The following FBN1 variants were observed in gnomAD, a reference collection of about 807,000 sequenced individuals.
The protein encoded by FBN1 is fibrillin-1.
In FBN1, 29 loss-of-function variants were observed where a neutral mutation model predicts 365.1. The observed-to-expected ratio is 0.08, with a 90% confidence interval of 0.06 to 0.11. The LOEUF is 0.11. Ranked by LOEUF, FBN1 falls within the 10% of genes least tolerant of loss-of-function variation. FBN1 has a pLI of 1.00. For synonymous variants in FBN1, 1,210 were observed against 1,270.5 expected (o/e 0.95, Z 1.01); for missense variants, 2,476 against 3,703.2 (o/e 0.67, Z 8.60).
chr15:48,621,213 T>C (rs546678961), intron 2 of FBN1, among the ~76,000 whole-genome samples: 1 of 152,218 alleles, frequency 6.6e-6, no homozygotes, highest in Admixed American at 6.5e-5. Flanking sequence ...GAAGCATAAC[T>C]CCCCACTCCT....
At chr15:48,411,435 C>T in intron 65 of FBN1, 56 bp from the exon 66 acceptor site, 2 of 1,525,872 alleles carry the variant, frequency 1.3e-6, no homozygotes, top group Non-Finnish European at 1.8e-6. Context: ...ACTTAGCTCT[C>T]ATATTAAAGA....
At chr15:48,471,989 C>T (rs759449044) in intron 35 of FBN1, among the ~76,000 whole-genome samples, 3 of 152,208 alleles carry the variant, frequency 2.0e-5, no homozygotes, top group Non-Finnish European at 4.4e-5. Context: ...TCCCAAGGGT[C>T]CCCTATTGAA....
At chr15:48,507,165 T>C (rs1189393994) in intron 15 of FBN1, among the ~76,000 whole-genome samples, 3 of 152,170 alleles carry the variant, frequency 2.0e-5, no homozygotes, top group Non-Finnish European at 4.4e-5. Context: ...GAGTGAATCT[T>C]AGTGTGCTCT....
Position 48,433,045 on chromosome 15 carries a change from T to A in FBN1, c.6617-57A>T, listed in dbSNP as rs1044766879. 6.3e-6 allele frequency: 10 copies of A among 1,598,230 alleles called. No homozygotes were observed. In the Admixed American group the frequency reaches 6.7e-5, roughly 11 times the overall value. Reference sequence around the variant, plus strand: ...TCATGGACAGCAACAAAAGGGAACCTACCAATTGAACTAAAACTCTAAAAC... The same window carrying A: ...TCATGGACAGCAACAAAAGGGAACCAACCAATTGAACTAAAACTCTAAAAC... On this transcript the variant is annotated intron_variant, in intron 54 of 65. Coordinates refer to ENST00000316623, the MANE Select transcript of FBN1 (RefSeq NM_000138.5).
chr15:48,577,104 T>A (rs2044354063), intron 6 of FBN1, among the ~76,000 whole-genome samples: 2 of 152,186 alleles, frequency 1.3e-5, no homozygotes, highest in South Asian at 4.1e-4. Flanking sequence ...AATTGGACTA[T>A]AAATCTGTCA....
chr15:48,496,668 G>T (rs1484123346), intron 19 of FBN1, among the ~76,000 whole-genome samples: 1 of 152,114 alleles, frequency 6.6e-6, no homozygotes, highest in Non-Finnish European at 1.5e-5. Flanking sequence ...CAGAATGGGT[G>T]TTTCTTCCTT....
chr15:48,492,188 T>C (rs1597566988), intron 24 of FBN1, among the ~76,000 whole-genome samples: 1 of 152,238 alleles, frequency 6.6e-6, no homozygotes, highest in African/African-American at 2.4e-5. Flanking sequence ...GCTTGTATTT[T>C]ATAGTTCACG....
chr15:48,590,252 G>A (rs999475051), intron 6 of FBN1, among the ~76,000 whole-genome samples: 1 of 152,138 alleles, frequency 6.6e-6, no homozygotes, highest in Admixed American at 6.5e-5. Context: ...AAAAAGCACA[G>A]GAAAATCAGC....
At chr15:48,623,224 G>A (rs1889802139) in intron 2 of FBN1, among the ~76,000 whole-genome samples, 1 of 152,194 alleles carries the variant, frequency 6.6e-6, no homozygotes, top group African/African-American at 2.4e-5. Flanking sequence ...AGTGCCAAAA[G>A]TAAGCCAGAT....
At chr15:48,598,187 T>C (rs977593693) in intron 5 of FBN1, among the ~76,000 whole-genome samples, 3 of 152,232 alleles carry the variant, frequency 2.0e-5, no homozygotes, top group Admixed American at 6.5e-5. Flanking sequence ...GGAGTCAGAC[T>C]GCTTGGGTTC....
chr15:48,551,814 C>G (rs2044144426), intron 6 of FBN1, among the ~76,000 whole-genome samples: 1 of 152,168 alleles, frequency 6.6e-6, no homozygotes, highest in Non-Finnish European at 1.5e-5. Flanking sequence ...ATAGTGGCCT[C>G]TAGCTCTATC....
chr15:48,465,984 T>G, intron 38 of FBN1, 126 bp from the exon 39 acceptor site: 1 of 736,898 alleles, frequency 1.4e-6, no homozygotes, highest in Non-Finnish European at 2.4e-6. Context: ...GTTGTTACTC[T>G]GCCCGTCTGA....
chr15:48,438,002 G>A (rs898613779), intron 50 of FBN1, 85 bp from the exon 51 acceptor site: 13 of 1,358,078 alleles, frequency 9.6e-6, no homozygotes, highest in Non-Finnish European at 1.3e-5. Flanking sequence ...AACCCACTAT[G>A]TTATATATGT....
At chr15:48,463,792 C>G (rs893641304) in intron 41 of FBN1, 107 bp downstream of exon 41, 8 of 1,233,192 alleles carry the variant, frequency 6.5e-6, no homozygotes, top group East Asian at 5.1e-5. Context: ...GGGATGCCAG[C>G]ACTCAGTCTG....
At chr15:48,584,758 T>A (rs2044422911) in intron 6 of FBN1, among the ~76,000 whole-genome samples, 1 of 152,170 alleles carries the variant, frequency 6.6e-6, no homozygotes, top group Non-Finnish European at 1.5e-5. Context: ...AAATAAAGAA[T>A]TTTCGATGGT....
rs180727351 is a variant in FBN1 at position 48,537,946 on chromosome 15, G to A, written c.539-138C>T. On this transcript the variant is annotated intron_variant, in intron 6 of 65. Coordinates refer to ENST00000316623, the MANE Select transcript of FBN1 (RefSeq NM_000138.5). ...GACAGAATCATGCATCACTGTCCCT[G>A]TGTAAGGCCTTGGATAGACCATTCT... 4.9e-3 allele frequency: 4,387 copies of A among 897,190 alleles called. 14 individuals carry two copies. Among genetic ancestry groups the A allele is most frequent in the Non-Finnish European group, 6.1e-3 (3,438 of 561,186 alleles). 55.6% of individuals were successfully genotyped at this position (897,190 alleles called of 1,614,324 possible). A position where few individuals can be genotyped will look rare whatever the true frequency, so the allele number is the denominator to read the frequency against.
At chr15:48,416,161 A>G (rs2042902245) in intron 63 of FBN1, among the ~76,000 whole-genome samples, 1 of 152,144 alleles carries the variant, frequency 6.6e-6, no homozygotes, top group African/African-American at 2.4e-5. Context: ...TCAAGGGGGG[A>G]GGAAAGGAAT....
chr15:48,642,635 G>A (rs975759795), intron 2 of FBN1: 13 of 149,530 alleles, frequency 8.7e-5, no homozygotes, highest in African/African-American at 3.2e-4. Context: ...ACTTTTAATT[G>A]TATATATTTT....
intron 44 of FBN1, among the ~76,000 whole-genome samples, chr15:48,455,310 G>A (rs2043230605): frequency 6.6e-6 from 1 of 152,216 alleles, no homozygotes; most frequent in Non-Finnish European, 1.5e-5. Context: ...ATCTAGCAAG[G>A]TCTAAGTTGA....
Sources: allele counts gnomAD v4.1 joint callset (sites outside exome capture counted in the v4.1 genomes callset), GRCh38; gene constraint gnomAD v4.1.1; transcripts MANE v1.5; gene names NCBI Gene and HGNC (gene_info 2026-07-23, HGNC 2026-07-21).